Variants in BMPER observed in about 807,000 individuals in gnomAD.
BMPER encodes BMP binding endothelial regulator, also known as BMP-binding endothelial regulator protein.
A neutral mutation model predicts 87.3 loss-of-function variants in BMPER; 45 were observed. The observed-to-expected ratio is 0.52, with a 90% CI of 0.41 to 0.66. BMPER has a LOEUF of 0.66. Ranked by LOEUF, BMPER falls within the 30% of genes least tolerant of loss-of-function variation. The pLI is 0.00. For synonymous variants in BMPER, 326 were observed against 316.2 expected (o/e 1.03, Z -0.33); for missense variants, 784 against 867.5 (o/e 0.90, Z 1.21).
intron 14 of BMPER, among the ~76,000 whole-genome samples, chr7:34,143,862 G>A (rs2127994871): frequency 6.6e-6 from 1 of 152,250 alleles, no homozygotes. Flanking sequence ...TCTGTAAAAT[G>A]GAATTCTTTA....
intron 13 of BMPER, among the ~76,000 whole-genome samples, chr7:34,105,717 A>G (rs1008198868): frequency 6.6e-6 from 1 of 152,214 alleles, no homozygotes; most frequent in Non-Finnish European, 1.5e-5. Flanking sequence ...TCTTTCCAGC[A>G]TATCCATTTT....
chr7:33,922,245 A>G (rs1784251128), intron 2 of BMPER, among the ~76,000 whole-genome samples: 2 of 152,190 alleles, frequency 1.3e-5, no homozygotes, highest in Admixed American at 1.3e-4. Flanking sequence ...CCAGGGATTC[A>G]TCTCCATCCT....
chr7:33,915,913 T>G (rs1784078224), intron 2 of BMPER, among the ~76,000 whole-genome samples: 1 of 152,228 alleles, frequency 6.6e-6, no homozygotes, highest in Non-Finnish European at 1.5e-5. Flanking sequence ...GCCTAACATT[T>G]CTATATCTCA....
chr7:33,980,673 A>G (rs1785828292), intron 6 of BMPER, among the ~76,000 whole-genome samples: 1 of 152,214 alleles, frequency 6.6e-6, no homozygotes, highest in East Asian at 1.9e-4. Flanking sequence ...TATAGCCCAC[A>G]GAGTGGTAGG....
chr7:33,995,487 G>A (rs1452893081), intron 6 of BMPER, among the ~76,000 whole-genome samples: 2 of 152,120 alleles, frequency 1.3e-5, no homozygotes, highest in Non-Finnish European at 2.9e-5. Context: ...CTGCTGAATG[G>A]GTGGACCTTA....
chr7:34,150,874 C>T (rs1168840305), intron 14 of BMPER, among the ~76,000 whole-genome samples: 1 of 152,120 alleles, frequency 6.6e-6, no homozygotes, highest in Admixed American at 6.5e-5. Context: ...GAGAGAAAGA[C>T]TATGAGAGGA....
intron 3 of BMPER, among the ~76,000 whole-genome samples, chr7:33,941,011 A>ATT (rs1314823399): frequency 7.4e-6 from 1 of 135,076 alleles, no homozygotes; most frequent in Admixed American, 8.3e-5. Context: ...ATTTATATGT[A>ATT]ATATATTTAC....
intron 6 of BMPER, among the ~76,000 whole-genome samples, chr7:34,034,539 T>G (rs1337531542): frequency 6.6e-6 from 1 of 152,176 alleles, no homozygotes; most frequent in Admixed American, 6.5e-5. Context: ...CTTTGCACAT[T>G]TCAGCTAGTG....
At chr7:33,977,537 G>A (rs776622075) in intron 6 of BMPER, among the ~76,000 whole-genome samples, 30 of 152,280 alleles carry the variant, frequency 2.0e-4, no homozygotes, top group Middle Eastern at 3.4e-3. Context: ...AAGGCCAAAT[G>A]CTCCACTGAG....
chr7:34,085,088 C>T (rs1562733523), intron 12 of BMPER, among the ~76,000 whole-genome samples: 1 of 152,126 alleles, frequency 6.6e-6, no homozygotes, highest in Non-Finnish European at 1.5e-5. Context: ...TGAGGGATAG[C>T]AATTAGAAGG....
chr7:34,051,221 C>T (rs768369063), intron 7 of BMPER, among the ~76,000 whole-genome samples: 1 of 152,132 alleles, frequency 6.6e-6, no homozygotes, highest in African/African-American at 2.4e-5. Context: ...AAAAGCCCCA[C>T]CTCCTAATAC....
At chr7:34,004,170 G>A (rs777351181) in intron 6 of BMPER, among the ~76,000 whole-genome samples, 1 of 151,896 alleles carries the variant, frequency 6.6e-6, no homozygotes, top group African/African-American at 2.4e-5. Context: ...CTGCCAGTTC[G>A]ATCTGCTGTT....
intron 13 of BMPER, among the ~76,000 whole-genome samples, chr7:34,090,159 ATT>A (rs1483902003): frequency 1.3e-5 from 2 of 152,222 alleles, no homozygotes; most frequent in Non-Finnish European, 2.9e-5. Flanking sequence ...AGCTTTGCTA[ATT>A]GACTTCTCAA....
intron 6 of BMPER, among the ~76,000 whole-genome samples, chr7:34,027,278 T>A (rs1454259032): frequency 6.6e-6 from 1 of 152,136 alleles, no homozygotes; most frequent in Non-Finnish European, 1.5e-5. Flanking sequence ...TTGACTATGT[T>A]CACATTTGCT....
intron 2 of BMPER, among the ~76,000 whole-genome samples, chr7:33,918,853 C>T (rs1044711229): frequency 6.6e-6 from 1 of 152,238 alleles, no homozygotes; most frequent in South Asian, 2.1e-4. Flanking sequence ...GATGAAATTC[C>T]TTGTCCCTTA....
chr7:33,994,717 C>T (rs985786709), intron 6 of BMPER, among the ~76,000 whole-genome samples: 7 of 152,118 alleles, frequency 4.6e-5, no homozygotes, highest in Admixed American at 4.6e-4. Context: ...ATTCTATGTG[C>T]CATGGGGGGA....
chr7:33,993,636 A>G (rs1168280100), intron 6 of BMPER, among the ~76,000 whole-genome samples: 1 of 152,036 alleles, frequency 6.6e-6, no homozygotes. Flanking sequence ...GTCATTCTCC[A>G]TCCAGCTTTG....
At chr7:33,968,616 C>T (rs1473600276) in intron 4 of BMPER, among the ~76,000 whole-genome samples, 1 of 152,174 alleles carries the variant, frequency 6.6e-6, no homozygotes, top group Non-Finnish European at 1.5e-5. Context: ...ATAGTACTCT[C>T]TTCAGGGAGA....
chr7:34,047,563 C>T (rs1245216373), intron 7 of BMPER, among the ~76,000 whole-genome samples: 1 of 152,104 alleles, frequency 6.6e-6, no homozygotes, highest in East Asian at 1.9e-4. Context: ...AGGCGTGAGC[C>T]ACCATGCCCA....
Sources: allele counts gnomAD v4.1 joint callset (sites outside exome capture counted in the v4.1 genomes callset), GRCh38; gene constraint gnomAD v4.1.1; transcripts MANE v1.5; gene names NCBI Gene and HGNC (gene_info 2026-07-23, HGNC 2026-07-21).